REEP1: variants seen among roughly 807,000 people sequenced by gnomAD.
The protein encoded by REEP1 is receptor expression-enhancing protein 1.
Under a neutral mutation model 40.3 loss-of-function variants are expected in REEP1, and 22 were observed. That is an observed-to-expected ratio of 0.55 (90% confidence interval 0.39 to 0.78). REEP1 has a LOEUF of 0.78. REEP1 is among the 30% of genes least tolerant of loss of function. The pLI is 0.00. For synonymous variants in REEP1, 116 were observed against 139.2 expected (o/e 0.83, Z 1.17); for missense variants, 280 against 361.1 (o/e 0.78, Z 1.82).
intron 4 of REEP1, 70 bp downstream of exon 4, chr2:86,254,624 C>G: frequency 6.6e-7 from 1 of 1,520,388 alleles, no homozygotes; most frequent in Non-Finnish European, 9.1e-7. Flanking sequence ...GCAATAAGAT[C>G]ATCCCTTTTT....
intron 1 of REEP1, among the ~76,000 whole-genome samples, chr2:86,331,407 T>C (rs1312213841): frequency 6.6e-6 from 1 of 151,994 alleles, no homozygotes; most frequent in Admixed American, 6.5e-5. Context: ...AAAACTAGTT[T>C]TGCAGCCCAA....
chr2:86,269,490 C>T (rs1677319272), intron 2 of REEP1, among the ~76,000 whole-genome samples: 1 of 152,164 alleles, frequency 6.6e-6, no homozygotes, highest in African/African-American at 2.4e-5. Flanking sequence ...TACAATTTGT[C>T]CAGTGAGGTC....
intron 1 of REEP1, among the ~76,000 whole-genome samples, chr2:86,315,641 G>A (rs2104498407): frequency 6.6e-6 from 1 of 152,304 alleles, no homozygotes; most frequent in South Asian, 2.1e-4. Context: ...TCAGTAAAGT[G>A]TTTTATACCC....
chr2:86,277,365 G>A (rs548616212), intron 2 of REEP1, among the ~76,000 whole-genome samples: 16 of 152,012 alleles, frequency 1.1e-4, no homozygotes, highest in Non-Finnish European at 2.2e-4. Context: ...AGACCAGCCT[G>A]GCCAACATGG....
chr2:86,321,177 G>T (rs1026840705), intron 1 of REEP1, among the ~76,000 whole-genome samples: 2 of 152,154 alleles, frequency 1.3e-5, no homozygotes, highest in South Asian at 2.1e-4. Context: ...TAATGAGAGT[G>T]CTAGAAGAAG....
chr2:86,242,970 G>A (rs1412857484), intron 5 of REEP1, among the ~76,000 whole-genome samples: 1 of 152,098 alleles, frequency 6.6e-6, no homozygotes, highest in East Asian at 1.9e-4. Flanking sequence ...CAGAATGGTG[G>A]GACACACGGA....
At chr2:86,243,596 G>C (rs1233626697) in intron 5 of REEP1, among the ~76,000 whole-genome samples, 1 of 152,242 alleles carries the variant, frequency 6.6e-6, no homozygotes, top group Non-Finnish European at 1.5e-5. Context: ...AACACTGGGA[G>C]AGCCGGAATC....
chr2:86,275,482 A>T (rs899738375), intron 2 of REEP1, among the ~76,000 whole-genome samples: 3 of 152,190 alleles, frequency 2.0e-5, no homozygotes, highest in African/African-American at 7.2e-5. Flanking sequence ...ACTCTAAATT[A>T]CTTCCTTTAT....
At chr2:86,305,796 C>T (rs1472038966) in intron 1 of REEP1, among the ~76,000 whole-genome samples, 3 of 152,184 alleles carry the variant, frequency 2.0e-5, no homozygotes, top group Admixed American at 6.5e-5. Flanking sequence ...TTCCTTATTA[C>T]TCTCACAACT....
intron 2 of REEP1, among the ~76,000 whole-genome samples, chr2:86,264,457 A>G (rs572604368): frequency 1.4e-5 from 2 of 144,926 alleles, no homozygotes; most frequent in Non-Finnish European, 3.1e-5. Context: ...TCTTCCTTTT[A>G]TCTCTCCCAT....
At chr2:86,224,404 A>G (rs1395197010) in intron 7 of REEP1, among the ~76,000 whole-genome samples, 2 of 152,224 alleles carry the variant, frequency 1.3e-5, no homozygotes, top group East Asian at 3.8e-4. Context: ...ACCACTGCAC[A>G]ATCCAGTAGA....
intron 1 of REEP1, among the ~76,000 whole-genome samples, chr2:86,331,800 G>A (rs1306633760): frequency 6.6e-6 from 1 of 152,206 alleles, no homozygotes; most frequent in Non-Finnish European, 1.5e-5. Flanking sequence ...AATGAGCTAA[G>A]TGTGGAAGAG....
intron 1 of REEP1, among the ~76,000 whole-genome samples, chr2:86,290,056 G>A (rs925751374): frequency 3.3e-5 from 5 of 152,106 alleles, no homozygotes; most frequent in Non-Finnish European, 7.4e-5. Flanking sequence ...GAGTGCAGCG[G>A]CACAATCTCA....
intron 1 of REEP1, among the ~76,000 whole-genome samples, chr2:86,332,354 A>C (rs1680808209): frequency 6.6e-6 from 1 of 151,778 alleles, no homozygotes; most frequent in South Asian, 2.1e-4. Flanking sequence ...CATCCCTGGC[A>C]GTGAAATTCT....
intron 5 of REEP1, among the ~76,000 whole-genome samples, chr2:86,249,407 G>C (rs1254704767): frequency 6.6e-6 from 1 of 152,114 alleles, no homozygotes; most frequent in African/African-American, 2.4e-5. Context: ...CAAGGTTAAG[G>C]CTTCCAAGGA....
chr2:86,255,989 T>C (rs981951711), intron 3 of REEP1, among the ~76,000 whole-genome samples: 64 of 152,298 alleles, frequency 4.2e-4, no homozygotes, highest in African/African-American at 1.5e-3. Flanking sequence ...TCTGATGTAC[T>C]TTGGGGCCTT....
At chr2:86,263,773 T>C (rs754192667) in intron 3 of REEP1, among the ~76,000 whole-genome samples, 192 bp downstream of exon 3, 21 of 152,184 alleles carry the variant, frequency 1.4e-4, no homozygotes, top group Non-Finnish European at 2.5e-4. Flanking sequence ...CTTTATAAGG[T>C]CATTCAATAA....
intron 1 of REEP1, among the ~76,000 whole-genome samples, chr2:86,311,436 G>A (rs1049126319): frequency 6.6e-6 from 1 of 152,132 alleles, no homozygotes; most frequent in Non-Finnish European, 1.5e-5. Flanking sequence ...CTGCAGTCTA[G>A]AAGTCTAAAA....
chr2:86,324,851 G>A (rs1680430899), intron 1 of REEP1, among the ~76,000 whole-genome samples: 1 of 152,264 alleles, frequency 6.6e-6, no homozygotes, highest in South Asian at 2.1e-4. Flanking sequence ...CTGAGAGAGT[G>A]CAAAAGAAAA....
Sources: gnomAD v4.1 joint callset for allele counts (sites outside exome capture counted in the v4.1 genomes callset) on GRCh38, gnomAD v4.1.1 for gene constraint, MANE v1.5 for transcripts, NCBI Gene and HGNC (gene_info 2026-07-23, HGNC 2026-07-21) for gene names.